SLC39A11: variants seen among roughly 807,000 people sequenced by gnomAD.
SLC39A11 encodes the protein zinc transporter ZIP11.
A neutral mutation model predicts 36.1 loss-of-function variants in SLC39A11; 33 were observed. The observed-to-expected ratio is 0.91, with a 90% CI of 0.69 to 1.22. The LOEUF (loss-of-function observed/expected upper bound fraction) is 1.22. Among genes scored for constraint, SLC39A11 ranks in the 50% most tolerant of loss-of-function variants. The pLI is 0.00. For missense variants in SLC39A11, 432 were observed against 430.3 expected, an observed-to-expected ratio of 1.00 and a Z score of -0.03; for synonymous variants, 166 against 170.3, an observed-to-expected ratio of 0.97 and a Z score of 0.20.
At chr17:72,792,664 A>G (rs547464039) in intron 6 of SLC39A11, among the ~76,000 whole-genome samples, 32 of 152,296 alleles carry the variant, frequency 2.1e-4, no homozygotes, top group Admixed American at 1.7e-3. Flanking sequence ...GGCACACTGC[A>G]CACCTCTGTA....
At chr17:72,860,560 T>A (rs1351739748) in intron 5 of SLC39A11, among the ~76,000 whole-genome samples, 2 of 152,192 alleles carry the variant, frequency 1.3e-5, no homozygotes, top group Non-Finnish European at 2.9e-5. Context: ...CAACCTAAGT[T>A]GCTGGCATGC....
chr17:72,748,719 G>C (rs1189871906), intron 6 of SLC39A11, among the ~76,000 whole-genome samples: 2 of 152,214 alleles, frequency 1.3e-5, no homozygotes, highest in Admixed American at 1.3e-4. Context: ...TCAGATCTCT[G>C]TGTTTCCTCA....
intron 5 of SLC39A11, among the ~76,000 whole-genome samples, chr17:72,902,011 C>T (rs1471579313): frequency 6.6e-6 from 1 of 152,152 alleles, no homozygotes; most frequent in African/African-American, 2.4e-5. Flanking sequence ...GTGGCTCACA[C>T]CTGTAATCCC....
intron 4 of SLC39A11, among the ~76,000 whole-genome samples, chr17:73,016,296 T>G (rs2058163864): frequency 6.6e-6 from 1 of 152,026 alleles, no homozygotes; most frequent in Admixed American, 6.6e-5. Flanking sequence ...ACTCCAGTTC[T>G]CCTAAATGAG....
intron 5 of SLC39A11, among the ~76,000 whole-genome samples, chr17:72,900,821 AATC>A (rs2082357135): frequency 6.6e-6 from 1 of 152,182 alleles, no homozygotes; most frequent in African/African-American, 2.4e-5. Flanking sequence ...AGCAGACACT[AATC>A]ATGAAACAGC....
At chr17:73,042,796 C>T (rs550085733) in intron 3 of SLC39A11, among the ~76,000 whole-genome samples, 17 of 152,266 alleles carry the variant, frequency 1.1e-4, no homozygotes, top group African/African-American at 3.6e-4. Flanking sequence ...GAGTGAAACT[C>T]CGTCTCAAAA....
intron 5 of SLC39A11, among the ~76,000 whole-genome samples, chr17:72,913,190 CA>C (rs35609182): frequency 0.3 from 44,045 of 145,734 alleles, 6,794 homozygotes; most frequent in Non-Finnish European, 0.36. Context: ...GGTGTAGGGG[CA>C]AAAAAAAAAA....
intron 6 of SLC39A11, among the ~76,000 whole-genome samples, chr17:72,782,894 C>T (rs976540795): frequency 4.1e-5 from 6 of 147,686 alleles, no homozygotes; most frequent in African/African-American, 1.5e-4. Context: ...GCTAGCTACT[C>T]GGGAGGCTGA....
At chr17:72,842,227 G>A (rs1479440165) in intron 6 of SLC39A11, among the ~76,000 whole-genome samples, 3 of 152,022 alleles carry the variant, frequency 2.0e-5, no homozygotes, top group Non-Finnish European at 4.4e-5. Context: ...TGATAATTAT[G>A]GTAACAGAAG....
At chr17:72,996,748 G>A (rs144392854) in intron 4 of SLC39A11, among the ~76,000 whole-genome samples, 46 of 152,114 alleles carry the variant, frequency 3.0e-4, no homozygotes, top group Non-Finnish European at 4.9e-4. Flanking sequence ...GTCATGTTCC[G>A]AGGTTCCAAG....
rs547014696 is a variant in SLC39A11 at position 72,850,804 on chromosome 17, T to C, written c.431-1000A>G. Among the ~76,000 whole-genome samples, 3 of 152,330 alleles carry C rather than the reference T, an allele frequency of 2.0e-5. No individual in the cohort carries two copies. In the South Asian group the frequency reaches 6.2e-4, roughly 32 times the overall value. On this transcript the variant is annotated intron_variant, in intron 5 of 9. Transcript: ENST00000255559. Reference sequence around the variant, plus strand: ...TAGAATGTACTAAGTGCTGATTGTATTGATGGTTATTGTTAGTATCATGTT... The same window carrying C: ...TAGAATGTACTAAGTGCTGATTGTACTGATGGTTATTGTTAGTATCATGTT...
Position 72,764,891 on chromosome 17 carries a change from GC to G in SLC39A11, c.602-28173del, listed in dbSNP as rs2075711475. On this transcript the variant is annotated intron_variant, in intron 6 of 9. Transcript: ENST00000255559. ...GGTAGACCAATCTGAAACCACCTTT[GC>G]AAAAAATTATAACAGTGAGAAAATC... 2.0e-5 allele frequency among the ~76,000 whole-genome samples: 3 copies of G among 152,146 alleles called. No homozygotes were observed. The South Asian group carries it at 6.2e-4, about 32-fold the overall frequency.
In SLC39A11 at chr17:72,689,009, C is replaced by A. The variant is rs528286655; in HGVS notation, c.672-39741G>T. On this transcript the variant is annotated intron_variant, in intron 7 of 9. Coordinates refer to ENST00000255559, the MANE Select transcript of SLC39A11 (RefSeq NM_139177.4). ...GGTGTTCTGTTTCCCCCCACACTGC[C>A]CAGGGCCCCTCTTGGAGCAGGTACC... is the stretch of plus-strand genomic sequence containing the variant. 4.6e-5 allele frequency among the ~76,000 whole-genome samples: 7 copies of A among 152,276 alleles called. No homozygotes were observed. The South Asian group carries it at 1.5e-3, about 32-fold the overall frequency.
At chr17:73,087,852 C>G (rs1352855465) in intron 2 of SLC39A11, among the ~76,000 whole-genome samples, 1 of 152,070 alleles carries the variant, frequency 6.6e-6, no homozygotes, top group Non-Finnish European at 1.5e-5. Flanking sequence ...AAGGAAACAA[C>G]CTGGAGATGG....
intron 5 of SLC39A11, among the ~76,000 whole-genome samples, chr17:72,882,358 T>C (rs562563325): frequency 2.2e-5 from 2 of 91,092 alleles, no homozygotes; most frequent in South Asian, 6.8e-4. Flanking sequence ...TATTCCTATA[T>C]CTAAAAAAAA....
At chr17:72,763,410 T>C (rs1034223742) in intron 6 of SLC39A11, among the ~76,000 whole-genome samples, 22 of 152,246 alleles carry the variant, frequency 1.4e-4, no homozygotes, top group African/African-American at 5.3e-4. Flanking sequence ...AGAACCGACA[T>C]CACATTTTAT....
chr17:72,762,298 G>A (rs1167788566), intron 6 of SLC39A11, among the ~76,000 whole-genome samples: 2 of 152,212 alleles, frequency 1.3e-5, no homozygotes, highest in Admixed American at 6.5e-5. Context: ...AGATGGTGAC[G>A]AGAGTGACCT....
At chr17:72,880,054 G>A (rs1464569603) in intron 5 of SLC39A11, among the ~76,000 whole-genome samples, 2 of 152,204 alleles carry the variant, frequency 1.3e-5, no homozygotes, top group Non-Finnish European at 2.9e-5. Flanking sequence ...CAGCTACCCT[G>A]AGATGATTAA....
At chr17:72,732,035 C>CTTTTTTTTTT (rs1838992557) in intron 7 of SLC39A11, among the ~76,000 whole-genome samples, 1 of 43,302 alleles carries the variant, frequency 2.3e-5, no homozygotes, top group African/African-American at 7.6e-5. Flanking sequence ...TTTTTCTTTT[C>CTTTTTTTTTT]TTTTCTTTTT....
Sources: gnomAD v4.1 joint callset for allele counts (sites outside exome capture counted in the v4.1 genomes callset) on GRCh38, gnomAD v4.1.1 for gene constraint, MANE v1.5 for transcripts, NCBI Gene and HGNC (gene_info 2026-07-23, HGNC 2026-07-21) for gene names.